Variants in STT3A observed in about 807,000 individuals in gnomAD.
The protein encoded by STT3A is dolichyl-diphosphooligosaccharide--protein glycosyltransferase subunit STT3A.
STT3A carries 34 observed loss-of-function variants against 89.2 expected under a neutral mutation model. That is an observed-to-expected ratio of 0.38 (90% CI 0.29 to 0.51). STT3A has a LOEUF of 0.51. Ranked by LOEUF, STT3A falls within the 20% of genes least tolerant of loss-of-function variation. The pLI is 0.89. For missense variants in STT3A, 555 were observed against 889.5 expected, an observed-to-expected ratio of 0.62 and a Z score of 4.78; for synonymous variants, 282 against 310.3, an observed-to-expected ratio of 0.91 and a Z score of 0.96.
intron 8 of STT3A, 77 bp from the exon 9 acceptor site, chr11:125,608,032 T>C: frequency 1.4e-6 from 2 of 1,445,326 alleles, no homozygotes; most frequent in Non-Finnish European, 1.8e-6. Context: ...TTGAACTAGA[T>C]AAGAATAATG....
In STT3A at chr11:125,622,805, C is replaced by G. The variant is rs1315247502; in HGVS notation, c.*1995C>G. 2.0e-5 allele frequency: 3 copies of G among 152,148 alleles called. No individual in the cohort carries two copies. The East Asian group carries it at 5.8e-4, about 29-fold the overall frequency. 9.4% of individuals were successfully genotyped at this position (152,148 alleles called of 1,614,324 possible). ...TAAGAGTGGGACCCTAGGCAGGGCG[C>G]AGTGGATCATGCCTGTAATCCCAGC... On this transcript the variant is annotated 3_prime_UTR_variant, in exon 18 of 18. Transcript: ENST00000392708.
intron 8 of STT3A, 36 bp downstream of exon 8, chr11:125,606,501 C>T (rs916665712): frequency 6.3e-7 from 1 of 1,585,298 alleles, no homozygotes; most frequent in Non-Finnish European, 8.6e-7. Flanking sequence ...TCAGCTTCTA[C>T]TTTTTCTATG....
At chr11:125,601,946 A>G (rs768305092) in intron 3 of STT3A, among the ~76,000 whole-genome samples, 15 of 151,892 alleles carry the variant, frequency 9.9e-5, no homozygotes, top group Non-Finnish European at 1.8e-4. Context: ...TTACAGGCAC[A>G]TGCCACCGTG....
At chr11:125,601,010 G>A (rs1243446566) in intron 3 of STT3A, among the ~76,000 whole-genome samples, 1 of 152,146 alleles carries the variant, frequency 6.6e-6, no homozygotes, top group Non-Finnish European at 1.5e-5. Context: ...GGCTGGTCTT[G>A]AACTGGGCTT....
rs1465870929 is a variant in STT3A at position 125,597,120 on chromosome 11, G to T, written c.149+1G>T. ...AAAGTGTTATCCATGAGTTTGATCC[G>T]TGAGTACCTTTGCTTGATCTGGTAT... On this transcript the variant is annotated splice_donor_variant, in intron 3 of 17. Coordinates refer to ENST00000392708, the MANE Select transcript of STT3A (RefSeq NM_152713.5). LOFTEE classifies it high-confidence loss of function. 1.2e-6 allele frequency: 2 copies of T among 1,613,870 alleles called. No homozygotes were observed. The highest frequency in any genetic ancestry group is 8.5e-7 in the Non-Finnish European group (1 of 1,179,964).
chr11:125,618,336 T>C (rs542559546), intron 15 of STT3A, 37 bp from the exon 16 acceptor site: 3 of 1,550,228 alleles, frequency 1.9e-6, no homozygotes, highest in Non-Finnish European at 2.6e-6. Context: ...CCAGCAACTT[T>C]TGTGATGCAG....
At position 125,613,078 on chromosome 11, in the gene STT3A, T is replaced by C. The variant is rs1400549263; in HGVS notation, c.1455T>C (p.Ser485=). The C allele has an allele frequency of 2.5e-6, 4 of 1,614,062 alleles. No individual in the cohort carries two copies. The African/African-American group carries it at 5.3e-5, about 22-fold the overall frequency. ...GGGTGACCAGTGAGGCCTACTCTTC[T>C]CCGTCCATTGTACTATCTGCCCGTG... ...STWVTSEAYS[S]PSIVLSARGG... Residue 485 remains serine (S), a synonymous_variant, in exon 13 of 18, where the codon TCT becomes TCC. Coordinates refer to ENST00000392708, the MANE Select transcript of STT3A (RefSeq NM_152713.5). The surrounding 1 kb of genome is among the most constrained non-coding windows in gnomAD (Gnocchi z 4.2).
At chr11:125,602,565 T>A (rs555648911) in intron 4 of STT3A, 141 bp downstream of exon 4, 5 of 1,170,460 alleles carry the variant, frequency 4.3e-6, no homozygotes, top group African/African-American at 3.1e-5. Context: ...TAAAAGTGCA[T>A]CTTACATAAA....
intron 15 of STT3A, among the ~76,000 whole-genome samples, chr11:125,615,880 A>C (rs1291849669): frequency 6.6e-6 from 1 of 152,178 alleles, no homozygotes. Context: ...CTACTAAAAA[A>C]ATACAAAAAT....
At chr11:125,615,810 G>A (rs1236651700) in intron 15 of STT3A, among the ~76,000 whole-genome samples, 1 of 152,172 alleles carries the variant, frequency 6.6e-6, no homozygotes, top group Non-Finnish European at 1.5e-5. Flanking sequence ...GAGCACTTTG[G>A]GAAGACTCTT....
chr11:125,616,343 T>A (rs1940181331), intron 15 of STT3A, among the ~76,000 whole-genome samples: 1 of 152,262 alleles, frequency 6.6e-6, no homozygotes, highest in African/African-American at 2.4e-5. Context: ...GTTAATACTG[T>A]ATTGTTTAGG....
At chr11:125,598,620 T>A (rs1185991797) in intron 3 of STT3A, among the ~76,000 whole-genome samples, 1 of 152,184 alleles carries the variant, frequency 6.6e-6, no homozygotes, top group Non-Finnish European at 1.5e-5. Context: ...TTTCTTTTTT[T>A]GTTTGAGATT....
chr11:125,614,674 T>C lies in STT3A; in HGVS notation c.1774+248T>C, dbSNP rs985551713. Among the ~76,000 whole-genome samples, 7 of 152,076 alleles carry C rather than the reference T, an allele frequency of 4.6e-5. No individual in the cohort carries two copies. Among genetic ancestry groups the C allele is most frequent in the African/African-American group, 1.7e-4 (7 of 41,420 alleles). ...ATGATTGTCTAAGGCATAGAAGTAG[T>C]TCCACAACCAGTAATAAAACCAAGC... is the stretch of plus-strand genomic sequence containing the variant. On this transcript the variant is annotated intron_variant, in intron 15 of 17. Coordinates refer to ENST00000392708, the MANE Select transcript of STT3A (RefSeq NM_152713.5). This position sits in a 1 kb window ranked among gnomAD's most constrained non-coding sequence, Gnocchi z 4.9.
At chr11:125,597,421 C>CAAA (rs58836204) in intron 3 of STT3A, among the ~76,000 whole-genome samples, 4 of 128,338 alleles carry the variant, frequency 3.1e-5, no homozygotes, top group African/African-American at 8.9e-5. Flanking sequence ...CCCATCTCTA[C>CAAA]AAAAAAAAAA....
At chr11:125,616,995 T>C (rs926935129) in intron 15 of STT3A, among the ~76,000 whole-genome samples, 5 of 152,186 alleles carry the variant, frequency 3.3e-5, no homozygotes, top group Non-Finnish European at 7.3e-5. Flanking sequence ...TTATTTTCAC[T>C]CTTCCATTCA....
chr11:125,618,625 T>C, intron 16 of STT3A, 64 bp downstream of exon 16: 1 of 1,500,912 alleles, frequency 6.7e-7, no homozygotes, highest in South Asian at 1.3e-5. Context: ...ACACAGTATT[T>C]TCCATATGCC....
rs1477825956 is a variant in STT3A at position 125,602,304 on chromosome 11, T to C, written c.151T>C (p.Tyr51His). 6.2e-7 allele frequency: 1 copy of C among 1,611,476 alleles called. No homozygotes were observed. Among genetic ancestry groups the C allele is most frequent in the Non-Finnish European group, 8.5e-7 (1 of 1,179,346 alleles). ...FESVIHEFDP[Y>H]FNYRTTRFLA... is the part of the protein sequence containing the mutation. ...AACAAAGTTTATTTCTTGCTATAGG[T>C]ACTTTAATTATCGGACTACCAGGTT... The change falls in exon 4 of 18, where the codon TAC (tyrosine) becomes CAC (histidine). Residue 51 changes from tyrosine to histidine, a missense_variant and splice_region_variant. Tyr to His is a moderately conservative substitution (Grantham distance 83). Transcript: ENST00000392708.
intron 3 of STT3A, among the ~76,000 whole-genome samples, chr11:125,598,111 C>A (rs1448103491): frequency 2.6e-5 from 4 of 152,114 alleles, no homozygotes; most frequent in African/African-American, 9.7e-5. Context: ...ACTCTAGAGA[C>A]TGAGGCAGGA....
At chr11:125,617,799 G>A (rs1940221187) in intron 15 of STT3A, among the ~76,000 whole-genome samples, 1 of 152,078 alleles carries the variant, frequency 6.6e-6, no homozygotes, top group Non-Finnish European at 1.5e-5. Context: ...GAAATAATGG[G>A]AACCACATTA....
Sources: allele counts gnomAD v4.1 joint callset (sites outside exome capture counted in the v4.1 genomes callset), GRCh38; gene constraint gnomAD v4.1.1; non-coding constraint Gnocchi (gnomAD v3.1); transcripts MANE v1.5; gene names NCBI Gene and HGNC (gene_info 2026-07-23, HGNC 2026-07-21).